Variants in AP4S1 observed in about 807,000 individuals in gnomAD.
AP4S1 encodes the protein adaptor related protein complex 4 subunit sigma 1, also known as AP-4 complex subunit sigma-1.
In AP4S1, 23 loss-of-function variants were observed where a neutral mutation model predicts 19.8. The ratio of observed to expected loss-of-function variants is 1.16; its 90% CI spans 0.84 to 1.65. The LOEUF is 1.65. AP4S1 is among the 40% of genes most tolerant of loss of function. The pLI is 0.00. For synonymous variants in AP4S1, 46 were observed against 54.1 expected (o/e 0.85, Z 0.66); for missense variants, 166 against 172.8 (o/e 0.96, Z 0.22).
intron 5 of AP4S1, among the ~76,000 whole-genome samples, chr14:31,088,455 C>T (rs1350555980): frequency 1.3e-5 from 2 of 152,134 alleles, no homozygotes; most frequent in Non-Finnish European, 2.9e-5. Flanking sequence ...AGCAAAACCA[C>T]AGCTGGGTAT....
chr14:31,070,984 A>G (rs182833474), intron 3 of AP4S1, among the ~76,000 whole-genome samples: 12 of 152,220 alleles, frequency 7.9e-5, no homozygotes, highest in Admixed American at 7.2e-4. Flanking sequence ...CCCAGGAGGC[A>G]GAGCTTGCAG....
chr14:31,079,012 T>C (rs1887502859), intron 4 of AP4S1, among the ~76,000 whole-genome samples: 1 of 152,192 alleles, frequency 6.6e-6, no homozygotes, highest in African/African-American at 2.4e-5. Flanking sequence ...TGGAGATCAG[T>C]CTCATGCTGT....
intron 1 of AP4S1, among the ~76,000 whole-genome samples, chr14:31,053,618 T>TTTTTTTTTTA (rs1885940383): frequency 9.3e-6 from 1 of 107,960 alleles, no homozygotes; most frequent in African/African-American, 3.3e-5. Flanking sequence ...TTTTTTTTTT[T>TTTTTTTTTTA]GTAGAGACAG....
intron 1 of AP4S1, among the ~76,000 whole-genome samples, chr14:31,042,511 T>C (rs1477058269): frequency 1.3e-5 from 2 of 152,160 alleles, no homozygotes; most frequent in African/African-American, 4.8e-5. Context: ...CAGTCTACTC[T>C]CAATGTCTCC....
At chr14:31,058,701 G>A (rs1256001594) in intron 1 of AP4S1, among the ~76,000 whole-genome samples, 1 of 151,412 alleles carries the variant, frequency 6.6e-6, no homozygotes, top group African/African-American at 2.4e-5. Flanking sequence ...CTAAGTAGCT[G>A]GGACTATAGG....
chr14:31,045,245 T>C (rs997957702), intron 1 of AP4S1, among the ~76,000 whole-genome samples: 1 of 152,154 alleles, frequency 6.6e-6, no homozygotes, highest in Non-Finnish European at 1.5e-5. Flanking sequence ...ATAATGTATA[T>C]ACCATAAAAA....
chr14:31,059,924 CAA>C (rs1000480654), intron 1 of AP4S1, among the ~76,000 whole-genome samples: 7 of 142,654 alleles, frequency 4.9e-5, no homozygotes, highest in African/African-American at 1.8e-4. Context: ...GCTGGGAGGA[CAA>C]AAAAATATAT....
intron 5 of AP4S1, among the ~76,000 whole-genome samples, chr14:31,083,899 A>G (rs1887792432): frequency 6.6e-6 from 1 of 152,146 alleles, no homozygotes; most frequent in Admixed American, 6.6e-5. Context: ...GGACCTCTGC[A>G]GACTAGTTAC....
intron 1 of AP4S1, among the ~76,000 whole-genome samples, chr14:31,055,606 T>C (rs1886063382): frequency 6.6e-6 from 1 of 152,212 alleles, no homozygotes; most frequent in Non-Finnish European, 1.5e-5. Context: ...ACTATTAAAC[T>C]ATACTGTACT....
intron 5 of AP4S1, among the ~76,000 whole-genome samples, chr14:31,082,654 T>A (rs568268872): frequency 2.1e-4 from 32 of 152,250 alleles, no homozygotes; most frequent in Non-Finnish European, 4.1e-4. Context: ...CCCAGCACTT[T>A]GGGAGGCCGA....
intron 1 of AP4S1, among the ~76,000 whole-genome samples, chr14:31,056,763 G>C (rs892941423): frequency 6.6e-6 from 1 of 152,194 alleles, no homozygotes; most frequent in Admixed American, 6.6e-5. Flanking sequence ...AAAGCTACCT[G>C]AAGTTAATGC....
In AP4S1 at chr14:31,053,589, CTTTTTTTTTTTTTTT is replaced by C. The variant is rs758966011; in HGVS notation, c.-71-12522_-71-12508del. ...AACACATCTTTTTAGTGACTTTTTT[CTTTTTTTTTTTTTTT>C]TTTTTTTTTTTTTTGTAGAGACAGT... On this transcript the variant is annotated intron_variant, in intron 1 of 5. Coordinates refer to ENST00000542754, the MANE Select transcript of AP4S1 (RefSeq NM_001128126.3). Among the ~76,000 whole-genome samples the C allele has an allele frequency of 9.8e-5, 7 of 71,110 alleles. No homozygotes were observed. In the Admixed American group the frequency reaches 1.4e-3, roughly 14 times the overall value. The allele number at this position is 71,110 out of a possible 152,430, so 46.7% of individuals were successfully genotyped here.
At chr14:31,088,894 T>C (rs1199653005) in intron 5 of AP4S1, among the ~76,000 whole-genome samples, 1 of 150,608 alleles carries the variant, frequency 6.6e-6, no homozygotes, top group Admixed American at 6.6e-5. Context: ...CAGTGGCTCA[T>C]GCTTGTAATT....
intron 1 of AP4S1, among the ~76,000 whole-genome samples, chr14:31,044,607 C>G (rs1425015657): frequency 6.6e-6 from 1 of 151,822 alleles, no homozygotes; most frequent in Non-Finnish European, 1.5e-5. Flanking sequence ...CTCAGCTTCC[C>G]AAAGTGCTGG....
At chr14:31,075,681 A>G (rs1396117464) in intron 4 of AP4S1, among the ~76,000 whole-genome samples, 1 of 151,766 alleles carries the variant, frequency 6.6e-6, no homozygotes, top group Non-Finnish European at 1.5e-5. Context: ...TATAGCATAT[A>G]TCAGTACTTC....
intron 1 of AP4S1, among the ~76,000 whole-genome samples, chr14:31,050,270 G>A (rs897395483): frequency 2.0e-5 from 3 of 152,114 alleles, no homozygotes; most frequent in East Asian, 1.9e-4. Flanking sequence ...TAGCCAGGCT[G>A]GTCTCGAACG....
chr14:31,039,579 T>G (rs8014360), intron 1 of AP4S1, among the ~76,000 whole-genome samples: 66,695 of 134,568 alleles, frequency 0.5, 15,999 homozygotes, highest in Admixed American at 0.63. Context: ...TTTGTTTTTT[T>G]TTTTTTTTTT....
At chr14:31,065,142 C>T (rs1886644679) in intron 1 of AP4S1, among the ~76,000 whole-genome samples, 1 of 152,138 alleles carries the variant, frequency 6.6e-6, no homozygotes, top group Non-Finnish European at 1.5e-5. Context: ...TAAAATAAAG[C>T]CCAAATTCCT....
intron 1 of AP4S1, among the ~76,000 whole-genome samples, chr14:31,038,490 T>G (rs1347017942): frequency 6.6e-6 from 1 of 152,020 alleles, no homozygotes; most frequent in Non-Finnish European, 1.5e-5. Flanking sequence ...ATATAGAGGG[T>G]ACAAAAGGTT....
Sources: allele counts gnomAD v4.1 joint callset (sites outside exome capture counted in the v4.1 genomes callset), GRCh38; gene constraint gnomAD v4.1.1; transcripts MANE v1.5; gene names NCBI Gene and HGNC (gene_info 2026-07-23, HGNC 2026-07-21).